LINGO2: variants seen among roughly 807,000 people sequenced by gnomAD.
The protein encoded by LINGO2 is leucine-rich repeat and immunoglobulin-like domain-containing nogo receptor-interacting protein 2.
LINGO2 carries 14 observed loss-of-function variants against 30.6 expected under a neutral mutation model. That is an observed-to-expected ratio of 0.46 (90% CI 0.30 to 0.72). The LOEUF (loss-of-function observed/expected upper bound fraction) is 0.72, where lower values mean the gene tolerates loss of function less well. Among genes scored for constraint, LINGO2 ranks in the 30% least tolerant of loss-of-function variants. The pLI, the probability that LINGO2 is intolerant of heterozygous loss-of-function variation, is 0.07. For missense variants in LINGO2, 729 were observed against 751.7 expected (o/e 0.97, Z 0.35); for synonymous variants, 317 against 288.5 (o/e 1.10, Z -1.00).
chr9:28,794,821 T>G, the LINGO2 span, among the ~76,000 whole-genome samples: 184 of 151,126 alleles, frequency 1.2e-3, 1 homozygote, highest in African/African-American at 4.3e-3. Flanking sequence ...ATTTTTTTTC[T>G]TTTCTTTTTT....
intron 4 of LINGO2, among the ~76,000 whole-genome samples, chr9:28,265,118 G>C (rs1443458247): frequency 6.6e-6 from 1 of 151,766 alleles, no homozygotes; most frequent in Admixed American, 6.6e-5. Context: ...AATTGTAAGA[G>C]CTAATTCCTT....
chr9:28,221,485 T>C (rs191293484), intron 4 of LINGO2, among the ~76,000 whole-genome samples: 97 of 152,174 alleles, frequency 6.4e-4, no homozygotes, highest in African/African-American at 2.2e-3. Context: ...CTACTCCTAA[T>C]TGGAAGTAGA....
At chr9:28,094,300 T>C (rs1335974229) in intron 4 of LINGO2, among the ~76,000 whole-genome samples, 1 of 152,132 alleles carries the variant, frequency 6.6e-6, no homozygotes. Context: ...TGCTGTTGCT[T>C]GTATTTCAGC....
intron 3 of LINGO2, among the ~76,000 whole-genome samples, chr9:28,317,724 T>C (rs559610410): frequency 1.3e-5 from 2 of 152,126 alleles, no homozygotes; most frequent in East Asian, 3.9e-4. Flanking sequence ...GGGTTGATAG[T>C]AAAAATGAAA....
At chr9:29,194,765 C>T in the LINGO2 span, among the ~76,000 whole-genome samples, 1 of 152,082 alleles carries the variant, frequency 6.6e-6, no homozygotes, top group Non-Finnish European at 1.5e-5. Flanking sequence ...ATTTTGTGTT[C>T]CCTTTACCAA....
At chr9:28,352,575 C>T (rs900063654) in intron 3 of LINGO2, among the ~76,000 whole-genome samples, 23 of 139,090 alleles carry the variant, frequency 1.7e-4, no homozygotes, top group African/African-American at 5.5e-4. Context: ...GGCCATACTG[C>T]CCAAGGTAAT....
intron 1 of LINGO2, among the ~76,000 whole-genome samples, chr9:28,638,786 A>G (rs528180849): frequency 9.9e-4 from 150 of 152,070 alleles, no homozygotes; most frequent in Non-Finnish European, 1.9e-3. Flanking sequence ...GGATTCATTG[A>G]TTTTTTGAAG....
At chr9:28,327,022 G>C (rs1296963584) in intron 3 of LINGO2, among the ~76,000 whole-genome samples, 1 of 152,142 alleles carries the variant, frequency 6.6e-6, no homozygotes, top group Non-Finnish European at 1.5e-5. Context: ...GTGGCATTAA[G>C]AGGTGGCCAT....
At chr9:28,275,533 T>C (rs1823087054) in intron 4 of LINGO2, among the ~76,000 whole-genome samples, 1 of 152,136 alleles carries the variant, frequency 6.6e-6, no homozygotes, top group Non-Finnish European at 1.5e-5. Flanking sequence ...TTAACACTCT[T>C]AACTCTTACA....
intron 4 of LINGO2, among the ~76,000 whole-genome samples, chr9:28,058,234 G>A (rs139483023): frequency 1.3e-5 from 2 of 152,096 alleles, no homozygotes; most frequent in Admixed American, 1.3e-4. Flanking sequence ...AAGATGGGGT[G>A]CTGCCACCAG....
intron 3 of LINGO2, among the ~76,000 whole-genome samples, chr9:28,305,639 G>C (rs191146621): frequency 1.3e-5 from 2 of 151,934 alleles, no homozygotes; most frequent in African/African-American, 4.8e-5. Context: ...GAAATACATG[G>C]GGATGACTCT....
the LINGO2 span, among the ~76,000 whole-genome samples, chr9:29,025,224 T>C: frequency 1.3e-5 from 2 of 151,854 alleles, no homozygotes; most frequent in African/African-American, 4.8e-5. Flanking sequence ...GCAAAATATA[T>C]AATGAGATGA....
intron 4 of LINGO2, among the ~76,000 whole-genome samples, chr9:28,075,143 T>C (rs1825586716): frequency 6.6e-6 from 1 of 151,974 alleles, no homozygotes; most frequent in Non-Finnish European, 1.5e-5. Flanking sequence ...TTCATAGTTG[T>C]AATACATATG....
chr9:28,720,393 T>C, the LINGO2 span, among the ~76,000 whole-genome samples: 7 of 152,174 alleles, frequency 4.6e-5, no homozygotes, highest in South Asian at 1.5e-3. Context: ...CTGTAAAGCT[T>C]TTCTAACCTC....
chr9:28,455,141 C>A (rs779045046), intron 2 of LINGO2, among the ~76,000 whole-genome samples: 4 of 151,856 alleles, frequency 2.6e-5, no homozygotes, highest in African/African-American at 4.8e-5. Flanking sequence ...GAAAAATCAT[C>A]ATGCTTACCA....
At chr9:28,784,297 T>C in the LINGO2 span, among the ~76,000 whole-genome samples, 1 of 152,122 alleles carries the variant, frequency 6.6e-6, no homozygotes, top group African/African-American at 2.4e-5. Context: ...AAAAGAAATA[T>C]TAGATGGGCA....
the LINGO2 span, among the ~76,000 whole-genome samples, chr9:29,130,716 GA>G: frequency 6.6e-6 from 1 of 152,078 alleles, no homozygotes; most frequent in Non-Finnish European, 1.5e-5. Flanking sequence ...AACACACTGG[GA>G]ATGAACCAGC....
At chr9:28,585,516 T>C (rs1018930642) in intron 1 of LINGO2, among the ~76,000 whole-genome samples, 1 of 151,968 alleles carries the variant, frequency 6.6e-6, no homozygotes, top group Non-Finnish European at 1.5e-5. Context: ...TTCAGTACAG[T>C]ATTAAGTAAA....
chr9:29,154,583 G>C, the LINGO2 span, among the ~76,000 whole-genome samples: 2 of 152,066 alleles, frequency 1.3e-5, no homozygotes, highest in African/African-American at 4.8e-5. Context: ...ACTCTGGTTA[G>C]TACAGTCAAC....
Sources: gnomAD v4.1 joint callset for allele counts (sites outside exome capture counted in the v4.1 genomes callset) on GRCh38, gnomAD v4.1.1 for gene constraint, MANE v1.5 for transcripts, NCBI Gene and HGNC (gene_info 2026-07-23, HGNC 2026-07-21) for gene names.